Variants in PANK3 observed in about 807,000 individuals in gnomAD.
PANK3 encodes the protein hPanK3.
In PANK3, 20 loss-of-function variants were observed where a neutral mutation model predicts 39.4. That is an observed-to-expected ratio of 0.51 (90% CI 0.36 to 0.74). The LOEUF (loss-of-function observed/expected upper bound fraction) is 0.74, where lower values mean the gene tolerates loss of function less well. Among genes scored for constraint, PANK3 ranks in the 30% least tolerant of loss-of-function variants. The pLI is 0.00. For missense variants in PANK3, 265 were observed against 437.0 expected, an observed-to-expected ratio of 0.61 and a Z score of 3.51; for synonymous variants, 140 against 157.3, an observed-to-expected ratio of 0.89 and a Z score of 0.82.
Position 168,579,333 on chromosome 5 carries a change from G to T in PANK3, c.-50C>A. On this transcript the variant is annotated 5_prime_UTR_variant, in exon 1 of 7. Coordinates refer to ENST00000239231, the MANE Select transcript of PANK3 (RefSeq NM_024594.4). The stretch of plus-strand genomic sequence containing the variant: ...CGGCCTCCGATCCGGGGCACTGAGA[G>T]CAGAGGCGGCGACTCCGGAGGTGGC... 1 of 1,410,574 alleles carries T rather than the reference G, an allele frequency of 7.1e-7. No homozygotes were observed. Among genetic ancestry groups the T allele is most frequent in the Non-Finnish European group, 9.3e-7 (1 of 1,073,640 alleles). 87.4% of individuals were successfully genotyped at this position (1,410,574 alleles called of 1,614,324 possible). A position where few individuals can be genotyped will look rare whatever the true frequency, so the allele number is the denominator to read the frequency against.
At chr5:168,579,170 T>A in intron 1 of PANK3, 86 bp downstream of exon 1, 1 of 1,282,706 alleles carries the variant, frequency 7.8e-7, no homozygotes. Flanking sequence ...AGCGACGGGC[T>A]TGGAAGCCGA....
chr5:168,572,470 G>A (rs1759655496), intron 1 of PANK3, among the ~76,000 whole-genome samples: 2 of 152,044 alleles, frequency 1.3e-5, no homozygotes, highest in Non-Finnish European at 2.9e-5. Flanking sequence ...GGGATAGGCA[G>A]TGGAGTTAGG....
intron 1 of PANK3, among the ~76,000 whole-genome samples, chr5:168,579,017 G>C (rs1353468123): frequency 6.6e-6 from 1 of 152,232 alleles, no homozygotes; most frequent in Non-Finnish European, 1.5e-5. Flanking sequence ...GCACCTCCCA[G>C]ATCTCGAAGA....
In PANK3 at chr5:168,568,846, T is replaced by C. The variant is rs1759575978; in HGVS notation, c.181A>G (p.Thr61Ala). Reference sequence around the variant, plus strand: ...TCAAGGTGTACATCCCGAATGCCGGTGGATCCATATGCCACGTTAGAAGTC... The same window carrying C: ...TCAAGGTGTACATCCCGAATGCCGGCGGATCCATATGCCACGTTAGAAGTC... Reference protein sequence around the residue: ...YLTSNVAYGSTGIRDVHLELK... With the variant: ...YLTSNVAYGSAGIRDVHLELK... Residue 61 changes from threonine (T) to alanine (A), a missense_variant, in exon 2 of 7, where the codon ACC (threonine) becomes GCC (alanine). Physicochemically the swap from Thr to Ala is moderately conservative, Grantham distance 58 (BLOSUM62 0). This residue lies in a region of PANK3 where 154 missense variants were observed against 256.8 expected (regional missense o/e 0.60). Coordinates refer to ENST00000239231, the MANE Select transcript of PANK3 (RefSeq NM_024594.4). 3.1e-6 allele frequency: 5 copies of C among 1,613,778 alleles called. No homozygotes were observed. The highest frequency in any genetic ancestry group is 4.2e-6 in the Non-Finnish European group (5 of 1,180,004).
chr5:168,565,866 A>ATATATATATATATAT (rs1554125716), intron 3 of PANK3, 147 bp downstream of exon 3: 1 of 141,746 alleles, frequency 7.1e-6, no homozygotes, highest in Non-Finnish European at 1.1e-5. Flanking sequence ...TTAAAAAAAA[A>ATATATATATATATAT]AAATATATAT....
Position 168,554,646 on chromosome 5 carries a change from C to G in PANK3, c.*2925G>C, listed in dbSNP as rs1352869399. ...TGTCAGTCAGTAGCCATTTTAAAAC[C>G]CTACAATGACTTCATGTTCCTTGCT... On this transcript the variant is annotated 3_prime_UTR_variant, in exon 7 of 7. Transcript: ENST00000239231. 1.3e-5 allele frequency: 2 copies of G among 152,114 alleles called. No individual in the cohort carries two copies. The highest frequency in any genetic ancestry group is 2.9e-5 in the Non-Finnish European group (2 of 68,022). The allele number at this position is 152,114 out of a possible 1,614,324, so 9.4% of individuals were successfully genotyped here.
At position 168,553,693 on chromosome 5, in the gene PANK3, T is replaced by C. The variant is rs200281085; in HGVS notation, c.*3878A>G. 2.7e-5 allele frequency: 3 copies of C among 110,544 alleles called. No individual in the cohort carries two copies. Among genetic ancestry groups the C allele is most frequent in the African/African-American group, 8.8e-5 (3 of 33,924 alleles). The allele number at this position is 110,544 out of a possible 1,614,324, so 6.8% of individuals were successfully genotyped here. On this transcript the variant is annotated 3_prime_UTR_variant, in exon 7 of 7. Coordinates refer to ENST00000239231, the MANE Select transcript of PANK3 (RefSeq NM_024594.4). ...CTGGGTCCCCATGGCCCTTATCTAA[T>C]TCTTTTCAAATATTCAAGAAGAGCT...
rs753482316 is a variant in PANK3, at chr5:168,549,266, T to TAA, written c.*8303_*8304dup. 22 of 152,112 alleles carry TAA rather than the reference T, an allele frequency of 1.4e-4. No individual in the cohort carries two copies. The highest frequency in any genetic ancestry group is 3.1e-4 in the Non-Finnish European group (21 of 68,006). 9.4% of individuals were successfully genotyped at this position (152,112 alleles called of 1,614,324 possible). Reference sequence around the variant, plus strand: ...TGTTTCTAAATGCTGTAAACTAAACTAAAACAGGTTACCCAGAAAAAAGTG... The same window carrying TAA: ...TGTTTCTAAATGCTGTAAACTAAACTAAAAAACAGGTTACCCAGAAAAAAGTG... On this transcript the variant is annotated 3_prime_UTR_variant, in exon 7 of 7. Coordinates refer to ENST00000239231, the MANE Select transcript of PANK3 (RefSeq NM_024594.4).
At chr5:168,563,750 C>A in intron 4 of PANK3, 139 bp downstream of exon 4, 1 of 624,082 alleles carries the variant, frequency 1.6e-6, no homozygotes, top group East Asian at 3.3e-5. Flanking sequence ...TTTTAAATGA[C>A]ATCAATGTTC....
chr5:168,552,551 T>C lies in PANK3; in HGVS notation c.*5020A>G, dbSNP rs141368487. 630 of 200,442 alleles carry C rather than the reference T, an allele frequency of 3.1e-3. 2 individuals carry two copies. Among genetic ancestry groups the C allele is most frequent in the African/African-American group, 0.014 (594 of 42,772 alleles). The allele number at this position is 200,442 out of a possible 1,614,324, so 12.4% of individuals were successfully genotyped here. A position where few individuals can be genotyped will look rare whatever the true frequency, so the allele number is the denominator to read the frequency against. ...CAGTTGGAGCAACCAGCCACTGCTA[T>C]TGCAAACTGAAGAGTGTGGCCACAG... On this transcript the variant is annotated 3_prime_UTR_variant, in exon 7 of 7. Transcript: ENST00000239231.
chr5:168,570,320 G>A (rs2113125315), intron 1 of PANK3, among the ~76,000 whole-genome samples: 1 of 151,336 alleles, frequency 6.6e-6, no homozygotes, highest in East Asian at 2.0e-4. Flanking sequence ...GGGAGGTGGA[G>A]CTTGCAGTGA....
rs141864965 is a variant in PANK3 at position 168,572,880 on chromosome 5, G to A, written c.29-3882C>T. ...CAGGGCTGCTTCGAGTGGGATTAGG[G>A]GTGGCGTGGGAACCTAGTGTGGGAG... On this transcript the variant is annotated intron_variant, in intron 1 of 6. Coordinates refer to ENST00000239231, the MANE Select transcript of PANK3 (RefSeq NM_024594.4). Among the ~76,000 whole-genome samples, 378 of 152,246 alleles carry A rather than the reference G, an allele frequency of 2.5e-3. 1 individual carries two copies. The highest frequency in any genetic ancestry group is 8.6e-3 in the African/African-American group (358 of 41,532).
At chr5:168,563,806 T>G (rs1397985167) in intron 4 of PANK3, 83 bp downstream of exon 4, 2 of 1,289,130 alleles carry the variant, frequency 1.6e-6, no homozygotes, top group East Asian at 5.0e-5. Flanking sequence ...CCTTACAACT[T>G]TCTGTTACAT....
chr5:168,553,367 C>T lies in PANK3; in HGVS notation c.*4204G>A. The T allele has an allele frequency of 2.0e-6, 1 of 498,484 alleles. No individual in the cohort carries two copies. The highest frequency in any genetic ancestry group is 4.0e-6 in the Non-Finnish European group (1 of 247,600). 30.9% of individuals were successfully genotyped at this position (498,484 alleles called of 1,614,324 possible). Reference sequence around the variant, plus strand: ...ATCTAGTGGCCCAGGATCAGCATTTCAACCAACTCAGCTTGTCTGCAGAAT... The same window carrying T: ...ATCTAGTGGCCCAGGATCAGCATTTTAACCAACTCAGCTTGTCTGCAGAAT... On this transcript the variant is annotated 3_prime_UTR_variant, in exon 7 of 7. Coordinates refer to ENST00000239231, the MANE Select transcript of PANK3 (RefSeq NM_024594.4).
In PANK3 at chr5:168,557,317, C is replaced by T; in HGVS notation, c.*254G>A. The T allele has an allele frequency of 3.0e-6, 1 of 332,064 alleles. No individual in the cohort carries two copies. Among genetic ancestry groups the T allele is most frequent in the Non-Finnish European group, 5.7e-6 (1 of 176,742 alleles). The allele number at this position is 332,064 out of a possible 1,614,324, so 20.6% of individuals were successfully genotyped here. On this transcript the variant is annotated 3_prime_UTR_variant, in exon 7 of 7. Transcript: ENST00000239231. ...TGTTGGCTACATAAAATAAAAAAAT[C>T]TTTTTAAGAGGAAGCTCAATAATCA...
At chr5:168,574,781 A>G (rs1302284922) in intron 1 of PANK3, among the ~76,000 whole-genome samples, 1 of 152,146 alleles carries the variant, frequency 6.6e-6, no homozygotes, top group Non-Finnish European at 1.5e-5. Flanking sequence ...GAATTGCTTG[A>G]ACCCAGGAGG....
intron 3 of PANK3, among the ~76,000 whole-genome samples, chr5:168,565,261 CCT>C (rs766264306): frequency 6.6e-6 from 1 of 152,132 alleles, no homozygotes; most frequent in Non-Finnish European, 1.5e-5. Flanking sequence ...GGAATCTTCA[CCT>C]CTCTGTAAAA....
At chr5:168,562,549 C>A (rs1193032504) in intron 4 of PANK3, among the ~76,000 whole-genome samples, 3 of 152,060 alleles carry the variant, frequency 2.0e-5, no homozygotes, top group African/African-American at 7.2e-5. Context: ...TTGGGGTGCA[C>A]AAGCAACAAT....
chr5:168,572,826 G>A (rs1252068817), intron 1 of PANK3, among the ~76,000 whole-genome samples: 1 of 152,062 alleles, frequency 6.6e-6, no homozygotes, highest in African/African-American at 2.4e-5. Context: ...CTTTGGGGGT[G>A]GTATGGAGAG....
Sources: allele counts gnomAD v4.1 joint callset (sites outside exome capture counted in the v4.1 genomes callset), GRCh38; gene constraint gnomAD v4.1.1; regional missense constraint gnomAD v4.1.1; transcripts MANE v1.5; gene names NCBI Gene and HGNC (gene_info 2026-07-23, HGNC 2026-07-21).